Variants in GREB1 observed in about 807,000 individuals in gnomAD.
GREB1 encodes growth regulating estrogen receptor binding 1, also known as protein GREB1.
A neutral mutation model predicts 200.7 loss-of-function variants in GREB1; 106 were observed. The ratio of observed to expected loss-of-function variants is 0.53; its 90% CI spans 0.45 to 0.62. The LOEUF is 0.62. Among genes scored for constraint, GREB1 ranks in the 20% least tolerant of loss-of-function variants. GREB1 has a pLI of 0.00. For missense variants in GREB1, 2,243 were observed against 2,556.8 expected (o/e 0.88, Z 2.65); for synonymous variants, 1,132 against 1,092.4 (o/e 1.04, Z -0.72).
chr2:11,588,629 G>A, intron 9 of GREB1, 117 bp from the exon 10 acceptor site: 1 of 940,448 alleles, frequency 1.1e-6, no homozygotes, highest in Non-Finnish European at 1.8e-6. Flanking sequence ...GGGCACTCGA[G>A]GGACCTGGCG....
intron 1 of GREB1, among the ~76,000 whole-genome samples, chr2:11,541,756 G>A (rs1269057422): frequency 6.6e-6 from 1 of 152,152 alleles, no homozygotes; most frequent in Non-Finnish European, 1.5e-5. Flanking sequence ...AAACACCTTA[G>A]CAGGGCTTAG....
chr2:11,533,495 G>T (rs982239497), upstream of GREB1, among the ~76,000 whole-genome samples: 4 of 152,188 alleles, frequency 2.6e-5, no homozygotes, highest in Non-Finnish European at 5.9e-5. Context: ...GGCAGGGACT[G>T]GACCCAGGCA....
intron 21 of GREB1, among the ~76,000 whole-genome samples, 158 bp downstream of exon 21, chr2:11,616,878 T>C (rs1182119794): frequency 2.0e-5 from 3 of 152,196 alleles, no homozygotes; most frequent in African/African-American, 7.2e-5. Context: ...CTCTAGAGAG[T>C]AAATATTGTG....
intron 4 of GREB1, among the ~76,000 whole-genome samples, chr2:11,570,121 T>A (rs1678111113): frequency 6.6e-6 from 1 of 152,132 alleles, no homozygotes. Flanking sequence ...CTCTAAAAGA[T>A]AATGGGGCCA....
chr2:11,586,290 C>T (rs1680084128), intron 9 of GREB1, among the ~76,000 whole-genome samples: 1 of 152,226 alleles, frequency 6.6e-6, no homozygotes, highest in Non-Finnish European at 1.5e-5. Flanking sequence ...GCAGGAGCTC[C>T]GCTCTGGTGG....
intron 3 of GREB1, among the ~76,000 whole-genome samples, chr2:11,564,281 G>A (rs1420192070): frequency 6.6e-6 from 1 of 152,108 alleles, no homozygotes; most frequent in African/African-American, 2.4e-5. Context: ...CTCGGCCCTC[G>A]ATGGGCTGCT....
chr2:11,620,218 G>A (rs919146369), intron 22 of GREB1, among the ~76,000 whole-genome samples: 3 of 152,122 alleles, frequency 2.0e-5, no homozygotes, highest in Admixed American at 6.5e-5. Context: ...CTCGTGATCC[G>A]CCCGCCTCAG....
Position 11,633,005 on chromosome 2 carries a change from G to C in GREB1, c.4933G>C (p.Asp1645His). ...QDIWPFIVIS[D>H]DSCVMWNVVD... ...CATCTGGCCTTTCATTGTGATCTCT[G>C]ATGACTCCTGCGTGATGTGGAACGT... Residue 1645 changes from aspartate (D) to histidine (H), a missense_variant, in exon 28 of 33, where the codon GAT becomes CAT. Transcript: ENST00000381486. The surrounding 1 kb of genome is among the most constrained non-coding windows in gnomAD (Gnocchi z 4.1). 3 of 1,614,208 alleles carry C rather than the reference G, an allele frequency of 1.9e-6. No individual in the cohort carries two copies. The highest frequency in any genetic ancestry group is 2.5e-6 in the Non-Finnish European group (3 of 1,180,034).
intron 1 of GREB1, among the ~76,000 whole-genome samples, chr2:11,549,219 T>C (rs1675575832): frequency 6.6e-6 from 1 of 152,198 alleles, no homozygotes; most frequent in African/African-American, 2.4e-5. Context: ...CTGGGCCTCA[T>C]GGATTGATCT....
Position 11,597,925 on chromosome 2 carries a change from T to C in GREB1, c.2099T>C (p.Ile700Thr). 6.2e-7 allele frequency: 1 copy of C among 1,614,216 alleles called. No individual in the cohort carries two copies. The highest frequency in any genetic ancestry group is 1.1e-5 in the South Asian group (1 of 91,084). ...SFEKVDFLIC[I>T]PPSEVTYQQT... is the part of the protein sequence containing the mutation. Reference sequence around the variant, plus strand: ...GAGAAGGTGGACTTTCTCATTTGCATTCCCCCCTCAGAAGTGACCTACCAG... The same window carrying C: ...GAGAAGGTGGACTTTCTCATTTGCACTCCCCCCTCAGAAGTGACCTACCAG... Residue 700 changes from isoleucine to threonine, a missense_variant, in exon 14 of 33, where the codon ATT becomes ACT. Ile to Thr is a moderately conservative substitution (Grantham distance 89, BLOSUM62 -1). Coordinates refer to ENST00000381486, the MANE Select transcript of GREB1 (RefSeq NM_014668.4). This position sits in a 1 kb window ranked among gnomAD's most constrained non-coding sequence, Gnocchi z 4.1.
chr2:11,619,292 G>A (rs1683804480), intron 22 of GREB1, among the ~76,000 whole-genome samples: 2 of 152,142 alleles, frequency 1.3e-5, no homozygotes, highest in East Asian at 1.9e-4. Flanking sequence ...GAGAACTAGG[G>A]GTTCTGTTTC....
intron 7 of GREB1, among the ~76,000 whole-genome samples, chr2:11,581,589 G>A (rs550360911): frequency 2.6e-5 from 4 of 152,134 alleles, no homozygotes; most frequent in South Asian, 2.1e-4. Flanking sequence ...GTGAACGGGC[G>A]GAGCAACCTG....
At chr2:11,487,382 C>T (rs755378320) in intron 1 of GREB1, among the ~76,000 whole-genome samples, 7 of 152,132 alleles carry the variant, frequency 4.6e-5, no homozygotes, top group East Asian at 3.8e-4. Flanking sequence ...TGTTCAACCC[C>T]GTAGGACAAC....
At chr2:11,503,246 G>A (rs1673095520) in intron 1 of GREB1, among the ~76,000 whole-genome samples, 1 of 152,130 alleles carries the variant, frequency 6.6e-6, no homozygotes, top group Non-Finnish European at 1.5e-5. Flanking sequence ...GGCATGGCTT[G>A]TTTCTGCCCA....
intron 28 of GREB1, 40 bp from the exon 29 acceptor site, chr2:11,634,091 G>A (rs542450329): frequency 2.6e-5 from 41 of 1,580,400 alleles, no homozygotes; most frequent in Middle Eastern, 1.7e-4. Flanking sequence ...GCTGCTGCTC[G>A]TGTGTCAGCC....
Position 11,596,174 on chromosome 2 carries a change from CA to C in GREB1, c.1890del (p.Leu631SerfsTer37). Reference sequence around the variant, plus strand: ...GAAAATCAAGGCCATATTTCTTCCTCACTCGCTGCCTCTTCTGTCACTAAAG... The same window carrying C: ...GAAAATCAAGGCCATATTTCTTCCTCCTCGCTGCCTCTTCTGTCACTAAAG... ...HQENQGHISS[S>X]LAASSVTKAA... is the part of the protein sequence containing the mutation. On this transcript the variant is annotated frameshift_variant, in exon 13 of 33. Coordinates refer to ENST00000381486, the MANE Select transcript of GREB1 (RefSeq NM_014668.4). LOFTEE classifies it high-confidence loss of function. The C allele has an allele frequency of 3.1e-6, 5 of 1,613,462 alleles. No individual in the cohort carries two copies. The highest frequency in any genetic ancestry group is 4.2e-6 in the Non-Finnish European group (5 of 1,179,376).
Position 11,610,838 on chromosome 2 carries a change from G to A in GREB1, c.2817G>A (p.Pro939=), listed in dbSNP as rs766981444. ...TCACGCAGAACCTCCTCAACTCCCC[G>A]AAGCAGTGCCCCTGCGGCCACGGGC... ...LEITQNLLNS[P]KQCPCGHGLM... Residue 939 remains proline (P), a synonymous_variant, in exon 18 of 33, where the codon CCG becomes CCA. Coordinates refer to ENST00000381486, the MANE Select transcript of GREB1 (RefSeq NM_014668.4). 58 of 1,613,268 alleles carry A rather than the reference G, an allele frequency of 3.6e-5. No individual in the cohort carries two copies. Among genetic ancestry groups the A allele is most frequent in the African/African-American group, 1.7e-4 (13 of 74,924 alleles).
At position 11,640,086 on chromosome 2, in the gene GREB1, C is replaced by T. The variant is rs2148466152; in HGVS notation, c.5687-205C>T. ...TTCCTTCTGCCTCCGTGTTTTCTCCCCCGCACACCTGCCACATCCCAGCCA... is the reference window on the plus strand; with the variant it reads ...TTCCTTCTGCCTCCGTGTTTTCTCCTCCGCACACCTGCCACATCCCAGCCA... On this transcript the variant is annotated intron_variant, in intron 32 of 32. Transcript: ENST00000381486. The surrounding 1 kb of genome is among the most constrained non-coding windows in gnomAD (Gnocchi z 4.6). 6.6e-6 allele frequency among the ~76,000 whole-genome samples: 1 copy of T among 152,226 alleles called. No homozygotes were observed.
Position 11,605,081 on chromosome 2 carries a change from C to G in GREB1, c.2666+2539C>G, listed in dbSNP as rs150164836. ...GGCATAGTTCTCTGCTGAGCCACAG[C>G]TAGGGTACATTTCTGTGCCTGACCT... On this transcript the variant is annotated intron_variant, in intron 17 of 32. Transcript: ENST00000381486. 8.9e-3 allele frequency among the ~76,000 whole-genome samples: 1,286 copies of G among 144,492 alleles called. 18 individuals carry two copies. The highest frequency in any genetic ancestry group is 0.031 in the African/African-American group (1,219 of 39,704). The allele number at this position is 144,492 out of a possible 152,430, so 94.8% of individuals were successfully genotyped here. A position where few individuals can be genotyped will look rare whatever the true frequency, so the allele number is the denominator to read the frequency against.
Sources: allele counts gnomAD v4.1 joint callset (sites outside exome capture counted in the v4.1 genomes callset), GRCh38; gene constraint gnomAD v4.1.1; non-coding constraint Gnocchi (gnomAD v3.1); transcripts MANE v1.5; gene names NCBI Gene and HGNC (gene_info 2026-07-23, HGNC 2026-07-21).